TMC1: variants seen among roughly 807,000 people sequenced by gnomAD.
The protein encoded by TMC1 is transmembrane channel like 1, also known as transmembrane channel-like protein 1.
TMC1 carries 84 observed loss-of-function variants against 105.8 expected under a neutral mutation model. The observed-to-expected ratio is 0.79, with a 90% CI of 0.67 to 0.95. The LOEUF (loss-of-function observed/expected upper bound fraction) is 0.95, where lower values mean the gene tolerates loss of function less well. Ranked by LOEUF, TMC1 falls within the 40% of genes least tolerant of loss-of-function variation. The pLI is 0.00. For synonymous variants in TMC1, 315 were observed against 311.5 expected (o/e 1.01, Z -0.12); for missense variants, 817 against 914.1 (o/e 0.89, Z 1.37).
In TMC1 at chr9:72,606,317, G is replaced by C. The variant is rs533812002; in HGVS notation, c.-305-10051G>C. Among the ~76,000 whole-genome samples the C allele has an allele frequency of 3.2e-4, 48 of 151,796 alleles. 1 individual carries two copies. The highest frequency in any genetic ancestry group is 1.1e-3 in the African/African-American group (46 of 41,168). The stretch of plus-strand genomic sequence containing the variant: ...CCCAAAAGCATGGAATGGGGGTTGG[G>C]GATGGGATAAGAGAGAGAGAATCCA... On this transcript the variant is annotated intron_variant, in intron 2 of 23. Coordinates refer to ENST00000297784, the MANE Select transcript of TMC1 (RefSeq NM_138691.3).
intron 5 of TMC1, among the ~76,000 whole-genome samples, chr9:72,665,224 A>G (rs1314463507): frequency 6.6e-6 from 1 of 152,120 alleles, no homozygotes; most frequent in Non-Finnish European, 1.5e-5. Context: ...TATTGAGTGG[A>G]TGGTCAATTG....
chr9:72,566,376 T>C (rs138982334), intron 1 of TMC1, among the ~76,000 whole-genome samples: 40 of 151,726 alleles, frequency 2.6e-4, no homozygotes, highest in Middle Eastern at 6.8e-3. Context: ...GTCAACTCTA[T>C]AGAGTCAAGG....
At chr9:72,668,413 A>T (rs1017779637) in intron 5 of TMC1, among the ~76,000 whole-genome samples, 1 of 152,174 alleles carries the variant, frequency 6.6e-6, no homozygotes, top group Non-Finnish European at 1.5e-5. Flanking sequence ...GTCTCCATAG[A>T]CACTAAGTGT....
At position 72,529,310 on chromosome 9, in the gene TMC1, G is replaced by A. The variant is rs117642536; in HGVS notation, c.-428+7397G>A. ...AAGAATAATATGCTTATTCAAGCCC[G>A]GTGTGGTGGCGGGCACTTGTAGTCC... On this transcript the variant is annotated intron_variant, in intron 1 of 23. Transcript: ENST00000297784. Among the ~76,000 whole-genome samples the A allele has an allele frequency of 4.3e-3, 651 of 152,166 alleles. 1 individual carries two copies. Among genetic ancestry groups the A allele is most frequent in the Middle Eastern group, 0.017 (5 of 294 alleles).
chr9:72,561,894 A>C (rs945342456), intron 1 of TMC1, among the ~76,000 whole-genome samples: 3 of 152,080 alleles, frequency 2.0e-5, no homozygotes, highest in African/African-American at 7.2e-5. Context: ...TGTAATCCGC[A>C]CTACTTGGGA....
intron 1 of TMC1, among the ~76,000 whole-genome samples, chr9:72,533,866 C>T (rs1436454001): frequency 3.3e-5 from 5 of 152,152 alleles, no homozygotes; most frequent in Non-Finnish European, 4.4e-5. Flanking sequence ...GGTGCAGTGA[C>T]TCACGCTTGT....
intron 1 of TMC1, among the ~76,000 whole-genome samples, chr9:72,523,679 G>A (rs1419386416): frequency 6.6e-6 from 1 of 151,976 alleles, no homozygotes; most frequent in African/African-American, 2.4e-5. Flanking sequence ...TGGCAGGGAT[G>A]GTAGAGGTGC....
At chr9:72,541,770 A>C (rs1298031377) in intron 1 of TMC1, among the ~76,000 whole-genome samples, 2 of 152,006 alleles carry the variant, frequency 1.3e-5, no homozygotes, top group African/African-American at 2.4e-5. Flanking sequence ...ATAGATGAAA[A>C]TTTCCAGATC....
At chr9:72,727,540 CT>C (rs1827143329) in intron 8 of TMC1, among the ~76,000 whole-genome samples, 1 of 152,138 alleles carries the variant, frequency 6.6e-6, no homozygotes, top group Non-Finnish European at 1.5e-5. Context: ...AATTTCAGTG[CT>C]ATTTCTACCT....
At chr9:72,828,019 G>A (rs1443312782) in intron 21 of TMC1, among the ~76,000 whole-genome samples, 3 of 152,126 alleles carry the variant, frequency 2.0e-5, no homozygotes, top group Non-Finnish European at 4.4e-5. Flanking sequence ...TTTACACAAA[G>A]AAAGTGATTT....
At chr9:72,645,574 CT>C (rs1311167499) in intron 4 of TMC1, among the ~76,000 whole-genome samples, 9 of 152,224 alleles carry the variant, frequency 5.9e-5, no homozygotes, top group Non-Finnish European at 1.3e-4. Flanking sequence ...AATAATATCT[CT>C]CATTATGGGA....
chr9:72,548,764 T>C (rs1318432208), intron 1 of TMC1, among the ~76,000 whole-genome samples: 1 of 152,148 alleles, frequency 6.6e-6, no homozygotes, highest in Non-Finnish European at 1.5e-5. Context: ...GGCAGGAGGA[T>C]TGCTTGAGCC....
chr9:72,549,921 T>A (rs1159153444), intron 1 of TMC1, among the ~76,000 whole-genome samples: 1 of 151,638 alleles, frequency 6.6e-6, no homozygotes, highest in East Asian at 2.0e-4. Flanking sequence ...CTAATTTTTG[T>A]GTTTTTGGTG....
At chr9:72,592,694 G>A (rs1277468332) in intron 2 of TMC1, among the ~76,000 whole-genome samples, 1 of 152,158 alleles carries the variant, frequency 6.6e-6, no homozygotes, top group East Asian at 1.9e-4. Flanking sequence ...ATTCTAAGTT[G>A]CCTGCAGTGA....
At chr9:72,526,071 A>T (rs1242693045) in intron 1 of TMC1, among the ~76,000 whole-genome samples, 1 of 152,082 alleles carries the variant, frequency 6.6e-6, no homozygotes, top group Admixed American at 6.5e-5. Flanking sequence ...TTGTGCCTGA[A>T]CTTTGAAAGC....
intron 13 of TMC1, among the ~76,000 whole-genome samples, chr9:72,783,241 G>A (rs28853376): frequency 0.016 from 2,413 of 152,182 alleles, 61 homozygotes; most frequent in African/African-American, 0.055. Context: ...TGCAAGCTGA[G>A]GAAGGAAGAA....
At chr9:72,686,734 T>G (rs534573148) in intron 5 of TMC1, among the ~76,000 whole-genome samples, 1 of 152,242 alleles carries the variant, frequency 6.6e-6, no homozygotes, top group African/African-American at 2.4e-5. Context: ...CTAAGGAGAA[T>G]GTGGAGATGA....
chr9:72,552,066 T>C (rs1823867798), intron 1 of TMC1, among the ~76,000 whole-genome samples: 1 of 152,256 alleles, frequency 6.6e-6, no homozygotes, highest in African/African-American at 2.4e-5. Flanking sequence ...CACCATGTGG[T>C]AATTTATTAC....
chr9:72,661,013 A>G (rs1825962158), intron 5 of TMC1, among the ~76,000 whole-genome samples: 2 of 152,040 alleles, frequency 1.3e-5, no homozygotes, highest in African/African-American at 4.8e-5. Context: ...TTAGCCATGC[A>G]TGGTGGCACG....
Sources: allele counts gnomAD v4.1 joint callset (sites outside exome capture counted in the v4.1 genomes callset), GRCh38; gene constraint gnomAD v4.1.1; transcripts MANE v1.5; gene names NCBI Gene and HGNC (gene_info 2026-07-23, HGNC 2026-07-21).